The following RGS22 variants were observed in gnomAD, a reference collection of about 807,000 sequenced individuals.
The protein encoded by RGS22 is regulator of G protein signaling 22, also known as regulator of G-protein signaling 22.
RGS22 carries 148 observed loss-of-function variants against 172.9 expected under a neutral mutation model. The observed-to-expected ratio is 0.86, with a 90% CI of 0.75 to 0.98. The LOEUF is 0.98. Ranked by LOEUF, RGS22 falls within the 50% of genes least tolerant of loss-of-function variation. RGS22 has a pLI of 0.00. For missense variants in RGS22, 1,347 were observed against 1,440.8 expected (o/e 0.93, Z 1.05); for synonymous variants, 458 against 480.2 (o/e 0.95, Z 0.60).
In RGS22 at chr8:99,978,081, TA is replaced by T. The variant is rs753553881; in HGVS notation, c.3361-7del. 89 of 1,493,194 alleles carry T rather than the reference TA, an allele frequency of 6.0e-5. 1 individual carries two copies. Among genetic ancestry groups the T allele is most frequent in the South Asian group, 3.8e-4 (27 of 70,976 alleles). 92.5% of individuals were successfully genotyped at this position (1,493,194 alleles called of 1,614,324 possible). On this transcript the variant is annotated splice_polypyrimidine_tract_variant and splice_region_variant and intron_variant, in intron 22 of 27. Coordinates refer to ENST00000360863, the MANE Select transcript of RGS22 (RefSeq NM_015668.5). The stretch of plus-strand genomic sequence containing the variant: ...AGAACCCCAAAAATTGTCATCTGTA[TA>T]AAAAAAAGTCTAAGATTACAATTTT...
At chr8:99,996,027 T>A (rs1017863355) in intron 20 of RGS22, among the ~76,000 whole-genome samples, 2 of 146,680 alleles carry the variant, frequency 1.4e-5, no homozygotes, top group East Asian at 4.0e-4. Context: ...AACCAAACAC[T>A]GCATGTTATC....
At chr8:100,051,460 A>G (rs1441919011) in intron 10 of RGS22, among the ~76,000 whole-genome samples, 19 of 109,474 alleles carry the variant, frequency 1.7e-4, no homozygotes, top group African/African-American at 5.5e-4. Context: ...ATTATATTAT[A>G]TATAAATATA....
intron 3 of RGS22, among the ~76,000 whole-genome samples, chr8:100,082,722 T>C (rs2131918340): frequency 6.6e-6 from 1 of 152,286 alleles, no homozygotes; most frequent in African/African-American, 2.4e-5. Context: ...CTGCCTCACG[T>C]ATGACAAAAC....
chr8:99,981,228 T>C (rs574107903), intron 22 of RGS22, among the ~76,000 whole-genome samples: 2 of 152,352 alleles, frequency 1.3e-5, no homozygotes, highest in East Asian at 3.8e-4. Flanking sequence ...TTTTCTATTA[T>C]TTATCTTAAA....
intron 5 of RGS22, among the ~76,000 whole-genome samples, chr8:100,071,832 A>G (rs1206967531): frequency 6.6e-6 from 1 of 152,208 alleles, no homozygotes; most frequent in Non-Finnish European, 1.5e-5. Context: ...ACGGCATTCT[A>G]TGTTTTTCGC....
chr8:100,104,550 G>A (rs1366290146), intron 2 of RGS22, among the ~76,000 whole-genome samples: 1 of 152,070 alleles, frequency 6.6e-6, no homozygotes, highest in Admixed American at 6.5e-5. Flanking sequence ...AGCCACCCGC[G>A]CACACAGGCT....
chr8:99,993,915 C>T (rs770672210), intron 20 of RGS22, among the ~76,000 whole-genome samples: 1 of 152,194 alleles, frequency 6.6e-6, no homozygotes, highest in South Asian at 2.1e-4. Context: ...AGCTTATCCA[C>T]CACGATCAAG....
chr8:100,060,402 GTA>G (rs72050805), intron 9 of RGS22, among the ~76,000 whole-genome samples: 3,788 of 102,700 alleles, frequency 0.037, 294 homozygotes, highest in South Asian at 0.058. Flanking sequence ...TTAGCTACGT[GTA>G]TATATATATA....
chr8:100,009,424 CAA>C (rs1238317237), intron 14 of RGS22, among the ~76,000 whole-genome samples: 9 of 45,682 alleles, frequency 2.0e-4, no homozygotes, highest in Admixed American at 6.5e-4. Context: ...GACTCCACCT[CAA>C]AAAAAAAAAA....
At chr8:100,029,530 C>T (rs1294116717) in intron 14 of RGS22, among the ~76,000 whole-genome samples, 9 of 151,660 alleles carry the variant, frequency 5.9e-5, no homozygotes, top group African/African-American at 1.7e-4. Flanking sequence ...GGTGAAACCC[C>T]GTCTCTACTA....
At chr8:100,043,217 T>C (rs1163121203) in intron 11 of RGS22, among the ~76,000 whole-genome samples, 1 of 152,198 alleles carries the variant, frequency 6.6e-6, no homozygotes, top group Non-Finnish European at 1.5e-5. Flanking sequence ...ACAACAAACA[T>C]ATCCACCTGT....
At chr8:99,998,352 G>A (rs971816240) in intron 19 of RGS22, among the ~76,000 whole-genome samples, 4 of 152,024 alleles carry the variant, frequency 2.6e-5, no homozygotes, top group African/African-American at 7.2e-5. Context: ...TTCAAATGAG[G>A]AAACAATTTA....
chr8:100,044,356 C>T (rs1342823932), intron 11 of RGS22, among the ~76,000 whole-genome samples: 1 of 152,232 alleles, frequency 6.6e-6, no homozygotes, highest in Non-Finnish European at 1.5e-5. Flanking sequence ...AAGGTATTCT[C>T]CTGCATCAGC....
At chr8:100,007,288 G>A (rs559646122) in intron 15 of RGS22, among the ~76,000 whole-genome samples, 1 of 152,272 alleles carries the variant, frequency 6.6e-6, no homozygotes, top group East Asian at 1.9e-4. Context: ...CAGGTACACA[G>A]TACATGCATT....
At chr8:99,976,413 G>A (rs1273562926) in intron 23 of RGS22, among the ~76,000 whole-genome samples, 1 of 152,112 alleles carries the variant, frequency 6.6e-6, no homozygotes, top group Non-Finnish European at 1.5e-5. Flanking sequence ...CCAGGCTGGA[G>A]TGCAGTGGCG....
chr8:100,044,064 A>C (rs1682332547), intron 11 of RGS22, among the ~76,000 whole-genome samples: 1 of 152,250 alleles, frequency 6.6e-6, no homozygotes, highest in African/African-American at 2.4e-5. Context: ...TATAACAAGT[A>C]GAGATTAAAT....
intron 23 of RGS22, among the ~76,000 whole-genome samples, chr8:99,976,561 C>T (rs1423399247): frequency 6.6e-6 from 1 of 152,132 alleles, no homozygotes; most frequent in Non-Finnish European, 1.5e-5. Context: ...CGGGGTTTCA[C>T]CGTGTTAGCC....
At chr8:100,011,250 A>G (rs1816355048) in intron 14 of RGS22, among the ~76,000 whole-genome samples, 1 of 152,228 alleles carries the variant, frequency 6.6e-6, no homozygotes, top group Admixed American at 6.5e-5. Context: ...GAATCTTTGA[A>G]GGATTTTAAC....
chr8:100,074,929 G>A (rs184735794), intron 4 of RGS22, among the ~76,000 whole-genome samples: 149 of 151,952 alleles, frequency 9.8e-4, no homozygotes, highest in African/African-American at 3.5e-3. Flanking sequence ...CACCACGCCC[G>A]GCTAATTTTT....
Sources: allele counts gnomAD v4.1 joint callset (sites outside exome capture counted in the v4.1 genomes callset), GRCh38; gene constraint gnomAD v4.1.1; transcripts MANE v1.5; gene names NCBI Gene and HGNC (gene_info 2026-07-23, HGNC 2026-07-21).